The following UCHL5 variants were observed in gnomAD, a reference collection of about 807,000 sequenced individuals.
UCHL5 encodes the protein ubiquitin carboxyl-terminal hydrolase isozyme L5.
A neutral mutation model predicts 53.8 loss-of-function variants in UCHL5; 34 were observed. The observed-to-expected ratio is 0.63, with a 90% confidence interval of 0.48 to 0.84. The LOEUF is 0.84. Among genes scored for constraint, UCHL5 ranks in the 40% least tolerant of loss-of-function variants. The probability of loss-of-function intolerance (pLI) is 0.00; values close to 1 mark genes in which losing one functional copy is unlikely to be tolerated. For missense variants in UCHL5, 290 were observed against 385.6 expected (o/e 0.75, Z 2.08); for synonymous variants, 111 against 126.3 (o/e 0.88, Z 0.81).
At chr1:193,036,236 T>C (rs774295263) in intron 3 of UCHL5, among the ~76,000 whole-genome samples, 3 of 131,574 alleles carry the variant, frequency 2.3e-5, no homozygotes, top group Non-Finnish European at 3.1e-5. Flanking sequence ...ATATGGTGGG[T>C]ACAAATAACC....
At chr1:193,059,690 A>T, upstream of UCHL5, 2 of 1,360,900 alleles carry the variant, frequency 1.5e-6, no homozygotes, top group Non-Finnish European at 2.0e-6. The surrounding 1 kb of genome is among the most constrained non-coding windows in gnomAD (Gnocchi z 4.9). Context: ...GCTGCCCGTC[A>T]GGCTGCCTTC....
chr1:193,030,543 G>C (rs1319763335), intron 3 of UCHL5, among the ~76,000 whole-genome samples: 1 of 152,086 alleles, frequency 6.6e-6, no homozygotes, highest in African/African-American at 2.4e-5. Context: ...AAGCACCTAT[G>C]GTATTGAGAT....
chr1:193,030,625 TTTAAA>T (rs767559628), intron 3 of UCHL5, among the ~76,000 whole-genome samples: 3 of 152,218 alleles, frequency 2.0e-5, no homozygotes, highest in Non-Finnish European at 2.9e-5. Context: ...TGAATAATTT[TTTAAA>T]TTACAGCTTA....
intron 1 of UCHL5, chr1:193,057,204 G>A (rs558113314): frequency 6.6e-6 from 1 of 152,356 alleles, no homozygotes; most frequent in East Asian, 1.9e-4. Context: ...CAGCCACCCA[G>A]GCTAGAAACC....
intron 7 of UCHL5, among the ~76,000 whole-genome samples, chr1:193,024,706 G>A (rs893687332): frequency 1.3e-5 from 2 of 151,350 alleles, no homozygotes. Flanking sequence ...GCTGGTTCAT[G>A]GTAGCAACTG....
chr1:193,037,269 G>T (rs1323194690), intron 3 of UCHL5, among the ~76,000 whole-genome samples: 1 of 151,590 alleles, frequency 6.6e-6, no homozygotes, highest in Non-Finnish European at 1.5e-5. Flanking sequence ...AAAGAAAGAC[G>T]ATCCAAATAA....
At chr1:193,052,822 A>G (rs1353562001) in intron 1 of UCHL5, among the ~76,000 whole-genome samples, 2 of 152,212 alleles carry the variant, frequency 1.3e-5, no homozygotes, top group Non-Finnish European at 2.9e-5. Context: ...TATGTCCTCT[A>G]CATAAAGTGC....
chr1:193,033,262 C>A (rs962870931), intron 3 of UCHL5, among the ~76,000 whole-genome samples: 12 of 152,200 alleles, frequency 7.9e-5, no homozygotes, highest in Middle Eastern at 3.4e-3. Context: ...TCATTCTCAG[C>A]AAACTAACAC....
upstream of UCHL5, chr1:193,059,657 C>CT: frequency 2.2e-6 from 3 of 1,378,244 alleles, no homozygotes; most frequent in Non-Finnish European, 2.9e-6. The surrounding 1 kb of genome is among the most constrained non-coding windows in gnomAD (Gnocchi z 4.9). Context: ...GGCAGTGGGG[C>CT]TGTTGCTGTT....
At chr1:193,040,445 A>G (rs1003687742) in intron 3 of UCHL5, among the ~76,000 whole-genome samples, 6 of 152,228 alleles carry the variant, frequency 3.9e-5, no homozygotes, top group Non-Finnish European at 7.4e-5. Context: ...CCGCAATGTT[A>G]TCATCTCACC....
chr1:193,017,600 A>G (rs1020660247), intron 10 of UCHL5, among the ~76,000 whole-genome samples: 2 of 151,644 alleles, frequency 1.3e-5, no homozygotes, highest in African/African-American at 4.8e-5. Context: ...TTAAAATAAA[A>G]GTATGTGCTT....
At chr1:193,032,387 T>C (rs796147097) in intron 3 of UCHL5, among the ~76,000 whole-genome samples, 7 of 152,212 alleles carry the variant, frequency 4.6e-5, no homozygotes, top group African/African-American at 1.7e-4. Context: ...CAAGATGGAT[T>C]AAAAATTTAA....
intron 8 of UCHL5, 47 bp downstream of exon 8, chr1:193,023,797 G>C: frequency 7.1e-7 from 1 of 1,404,334 alleles, no homozygotes. Context: ...CTTTTCCTGA[G>C]AGAATAACCA....
At position 193,020,341 on chromosome 1, in the gene UCHL5, T is replaced by A. The variant is rs952618180; in HGVS notation, c.942+756A>T. On this transcript the variant is annotated intron_variant, in intron 10 of 10. Coordinates refer to ENST00000367454, the MANE Select transcript of UCHL5 (RefSeq NM_001199261.3). Reference sequence around the variant, plus strand: ...TCGTCTTTAAGTTAATGGTCCAAAATTTTATTTGCCTAGTAGTGTCTTCTC... The same window carrying A: ...TCGTCTTTAAGTTAATGGTCCAAAAATTTATTTGCCTAGTAGTGTCTTCTC... 26 of 1,547,434 alleles carry A rather than the reference T, an allele frequency of 1.7e-5. No individual in the cohort carries two copies. The Admixed American group carries it at 2.6e-4, about 15-fold the overall frequency.
intron 10 of UCHL5, chr1:193,020,260 A>T: frequency 6.6e-7 from 1 of 1,517,580 alleles, no homozygotes; most frequent in Non-Finnish European, 8.9e-7. Flanking sequence ...GGTTGAAATC[A>T]ATCTTTGCTT....
intron 3 of UCHL5, among the ~76,000 whole-genome samples, chr1:193,046,556 T>C (rs1008488851): frequency 3.3e-5 from 5 of 151,564 alleles, no homozygotes; most frequent in African/African-American, 1.2e-4. Context: ...AGGACTCGGT[T>C]TCCACATCTG....
At chr1:193,020,589 C>T in intron 10 of UCHL5, 9 of 1,101,366 alleles carry the variant, frequency 8.2e-6, no homozygotes, top group South Asian at 3.2e-5. Context: ...TTTATTGTTA[C>T]TTATGAAAAA....
intron 6 of UCHL5, among the ~76,000 whole-genome samples, chr1:193,028,407 G>A (rs1558043028): frequency 1.3e-5 from 2 of 151,942 alleles, no homozygotes; most frequent in African/African-American, 4.8e-5. Context: ...ATGGGGCATG[G>A]CAAAAAGTAC....
At chr1:193,028,048 CAG>C (rs1216898043) in intron 7 of UCHL5, 35 bp downstream of exon 7, 2 of 1,590,410 alleles carry the variant, frequency 1.3e-6, no homozygotes, top group South Asian at 2.3e-5. Context: ...ACTTAAAAAA[CAG>C]AATATTATGC....
Sources: gnomAD v4.1 joint callset for allele counts (sites outside exome capture counted in the v4.1 genomes callset) on GRCh38, gnomAD v4.1.1 for gene constraint, Gnocchi (gnomAD v3.1) non-coding constraint, MANE v1.5 for transcripts, NCBI Gene and HGNC (gene_info 2026-07-23, HGNC 2026-07-21) for gene names.